Variants in ARHGEF7 observed in about 807,000 individuals in gnomAD.
The protein encoded by ARHGEF7 is Rho guanine nucleotide exchange factor 7, also known as PAK-interacting exchange factor beta.
A neutral mutation model predicts 109.8 loss-of-function variants in ARHGEF7; 33 were observed. The observed-to-expected ratio is 0.30, with a 90% CI of 0.23 to 0.40. The LOEUF (loss-of-function observed/expected upper bound fraction) is 0.40. ARHGEF7 is among the 10% of genes least tolerant of loss of function. The probability of loss-of-function intolerance (pLI) is 1.00; values close to 1 mark genes in which losing one functional copy is unlikely to be tolerated. For synonymous variants in ARHGEF7, 458 were observed against 424.6 expected (o/e 1.08, Z -0.97); for missense variants, 938 against 1,098.5 (o/e 0.85, Z 2.07).
At chr13:111,261,119 A>C (rs558575415) in intron 8 of ARHGEF7, among the ~76,000 whole-genome samples, 1 of 152,344 alleles carries the variant, frequency 6.6e-6, no homozygotes, top group East Asian at 1.9e-4. Context: ...AAATGGCAAG[A>C]GTAAGTCCAT....
chr13:111,193,806 G>C (rs1288721073), intron 2 of ARHGEF7, among the ~76,000 whole-genome samples: 15 of 152,198 alleles, frequency 9.9e-5, no homozygotes, highest in Admixed American at 9.8e-4. Context: ...GGACTTCCAA[G>C]AGATCATCTC....
At chr13:111,246,413 A>C (rs56969108) in intron 8 of ARHGEF7, among the ~76,000 whole-genome samples, 11 of 152,280 alleles carry the variant, frequency 7.2e-5, no homozygotes, top group African/African-American at 2.6e-4. Context: ...TAGTTCTTGC[A>C]GTTCATGACA....
At chr13:111,158,683 C>G (rs970751312) in intron 2 of ARHGEF7, among the ~76,000 whole-genome samples, 1 of 152,178 alleles carries the variant, frequency 6.6e-6, no homozygotes, top group Admixed American at 6.5e-5. Flanking sequence ...ACCAGCTAGT[C>G]ACATAAAGCT....
chr13:111,301,400 G>A (rs2093563810), intron 20 of ARHGEF7, 78 bp from the exon 21 acceptor site: 1 of 1,204,472 alleles, frequency 8.3e-7, no homozygotes. Context: ...CAGCATCGTA[G>A]TGTCTCCTGG....
At chr13:111,139,233 A>G (rs1352106908) in intron 1 of ARHGEF7, among the ~76,000 whole-genome samples, 2 of 152,170 alleles carry the variant, frequency 1.3e-5, no homozygotes, top group East Asian at 3.9e-4. Context: ...AACAGACCTC[A>G]GAAAGCAAGG....
intron 2 of ARHGEF7, among the ~76,000 whole-genome samples, chr13:111,196,088 G>C (rs2080467710): frequency 6.6e-6 from 1 of 152,196 alleles, no homozygotes; most frequent in African/African-American, 2.4e-5. Context: ...ACAGGGTAGA[G>C]TATTTTCTTA....
intron 2 of ARHGEF7, among the ~76,000 whole-genome samples, chr13:111,180,192 A>G (rs1040168034): frequency 6.6e-6 from 1 of 152,094 alleles, no homozygotes; most frequent in Non-Finnish European, 1.5e-5. Context: ...GATGTGGGAG[A>G]GGAGAAAATG....
At position 111,273,742 on chromosome 13, in the gene ARHGEF7, C is replaced by T. The variant is rs2092320896; in HGVS notation, c.1074-72C>T. 2 of 1,586,538 alleles carry T rather than the reference C, an allele frequency of 1.3e-6. No individual in the cohort carries two copies. Among genetic ancestry groups the T allele is most frequent in the Admixed American group, 1.7e-5 (1 of 59,296 alleles). On this transcript the variant is annotated intron_variant, in intron 9 of 21. Transcript: ENST00000646102. The surrounding 1 kb of genome is among the most constrained non-coding windows in gnomAD (Gnocchi z 4.5). ...TGTTTCATAAATTCTGGCTGTTGCT[C>T]ATGGAGATGAGAGAGCCACCATTGT... is the stretch of plus-strand genomic sequence containing the variant.
chr13:111,245,402 G>C (rs2088638288), intron 8 of ARHGEF7, among the ~76,000 whole-genome samples: 1 of 152,170 alleles, frequency 6.6e-6, no homozygotes, highest in Admixed American at 6.5e-5. Context: ...TGTAGAATAA[G>C]AGAAGATGAC....
chr13:111,153,979 C>T lies in ARHGEF7; in HGVS notation c.240C>T (p.Ser80=). Residue 80 remains serine (S), a synonymous_variant, in exon 2 of 22, where the codon TCC becomes TCT. Transcript: ENST00000646102. The stretch of plus-strand genomic sequence containing the variant: ...AGTTCCTGCGCGGCTGCGGGGCTTC[C>T]CTGCGGCTGGAGGTGAGCGCGGGCG... ...IREFLRGCGA[S]LRLETFDAND... The T allele has an allele frequency of 6.2e-7, 1 of 1,602,378 alleles. No homozygotes were observed. Among genetic ancestry groups the T allele is most frequent in the East Asian group, 2.3e-5 (1 of 43,354 alleles).
chr13:111,139,259 A>T (rs1162317632), intron 1 of ARHGEF7, among the ~76,000 whole-genome samples: 1 of 152,156 alleles, frequency 6.6e-6, no homozygotes, highest in Non-Finnish European at 1.5e-5. Flanking sequence ...CCAGGGCGGC[A>T]CACACTGCAG....
chr13:111,133,803 AT>A (rs1566606979), intron 1 of ARHGEF7, among the ~76,000 whole-genome samples: 1,485 of 31,782 alleles, frequency 0.047, 136 homozygotes, highest in African/African-American at 0.11. Context: ...ATATATATAT[AT>A]ATATATATAT....
intron 2 of ARHGEF7, among the ~76,000 whole-genome samples, chr13:111,162,545 T>C (rs1440749979): frequency 6.6e-6 from 1 of 152,198 alleles, no homozygotes; most frequent in Non-Finnish European, 1.5e-5. Flanking sequence ...GTTTTCATTT[T>C]CTCACTTTAC....
intron 19 of ARHGEF7, chr13:111,294,026 C>G (rs2093365174): frequency 1.0e-6 from 1 of 985,424 alleles, no homozygotes; most frequent in South Asian, 4.7e-5. Flanking sequence ...CAAGTAGCTA[C>G]TGAACTGCTC....
chr13:111,161,358 G>C (rs886646224), intron 2 of ARHGEF7, among the ~76,000 whole-genome samples: 1 of 152,120 alleles, frequency 6.6e-6, no homozygotes, highest in African/African-American at 2.4e-5. Context: ...GACGGTATAG[G>C]GGGAGGGAAT....
chr13:111,214,516 G>C (rs981000670), intron 4 of ARHGEF7, among the ~76,000 whole-genome samples: 2 of 152,254 alleles, frequency 1.3e-5, no homozygotes, highest in African/African-American at 4.8e-5. Context: ...GCATGGTCGC[G>C]ATCACAGCAG....
At chr13:111,253,457 T>A (rs1053679646) in intron 8 of ARHGEF7, among the ~76,000 whole-genome samples, 8 of 152,170 alleles carry the variant, frequency 5.3e-5, no homozygotes, top group African/African-American at 1.9e-4. Context: ...TGTACCAAAT[T>A]TTATTCTTAC....
chr13:111,221,322 T>C (rs56043610), intron 5 of ARHGEF7, among the ~76,000 whole-genome samples: 1 of 22,760 alleles, frequency 4.4e-5, no homozygotes, highest in Non-Finnish European at 8.3e-5. Context: ...TATATATAGA[T>C]ATATATGTCT....
chr13:111,165,473 T>C (rs963856140), intron 2 of ARHGEF7, among the ~76,000 whole-genome samples: 8 of 152,228 alleles, frequency 5.3e-5, no homozygotes, highest in Non-Finnish European at 1.0e-4. Flanking sequence ...GAGGCTGTTT[T>C]GCCACCGTGA....
Sources: allele counts gnomAD v4.1 joint callset (sites outside exome capture counted in the v4.1 genomes callset), GRCh38; gene constraint gnomAD v4.1.1; non-coding constraint Gnocchi (gnomAD v3.1); transcripts MANE v1.5; gene names NCBI Gene and HGNC (gene_info 2026-07-23, HGNC 2026-07-21).